The following PKNOX2 variants were observed in gnomAD, a reference collection of about 807,000 sequenced individuals.
The protein encoded by PKNOX2 is homeobox protein PKNOX2.
Under a neutral mutation model 53.1 loss-of-function variants are expected in PKNOX2, and 14 were observed. The ratio of observed to expected loss-of-function variants is 0.26; its 90% confidence interval spans 0.17 to 0.41. PKNOX2 has a LOEUF of 0.41. Ranked by LOEUF, PKNOX2 falls within the 10% of genes least tolerant of loss-of-function variation. The pLI is 1.00. For synonymous variants in PKNOX2, 257 were observed against 242.8 expected, an observed-to-expected ratio of 1.06 and a Z score of -0.54; for missense variants, 496 against 602.8, an observed-to-expected ratio of 0.82 and a Z score of 1.85.
chr11:125,233,970 G>A (rs1391435113), intron 1 of PKNOX2, among the ~76,000 whole-genome samples: 1 of 152,146 alleles, frequency 6.6e-6, no homozygotes, highest in Non-Finnish European at 1.5e-5. Context: ...TTGCTGAGCT[G>A]GCGCTACTCT....
At chr11:125,339,065 A>G (rs1203155474) in intron 3 of PKNOX2, among the ~76,000 whole-genome samples, 2 of 152,244 alleles carry the variant, frequency 1.3e-5, no homozygotes, top group Non-Finnish European at 2.9e-5. Context: ...GGGCCAGCAC[A>G]TGACTAAAGT....
chr11:125,173,255 A>G (rs1955454145), intron 1 of PKNOX2, among the ~76,000 whole-genome samples: 1 of 152,220 alleles, frequency 6.6e-6, no homozygotes, highest in Admixed American at 6.5e-5. Flanking sequence ...TCATTCTCAC[A>G]TGCCCTTGTG....
At chr11:125,379,309 G>C (rs1002651980) in intron 5 of PKNOX2, among the ~76,000 whole-genome samples, 5 of 152,032 alleles carry the variant, frequency 3.3e-5, no homozygotes, top group African/African-American at 1.2e-4. Context: ...TAATCCACCC[G>C]CCTCAGCCTC....
rs145552702 is a variant in PKNOX2, at chr11:125,371,028, C to T, written c.227+3043C>T. On this transcript the variant is annotated intron_variant, in intron 5 of 12. Coordinates refer to ENST00000298282, the MANE Select transcript of PKNOX2 (RefSeq NM_001382323.2). ...CAAAGGGGAGGGAGCCTGCCAGTGC[C>T]CGGGAGGTTTTATTTGTGTATGAGG... is the stretch of plus-strand genomic sequence containing the variant. 1.7e-3 allele frequency among the ~76,000 whole-genome samples: 264 copies of T among 152,210 alleles called. 4 individuals carry two copies. The South Asian group carries it at 0.03, about 17-fold the overall frequency.
chr11:125,312,628 A>AC (rs1948886589), intron 2 of PKNOX2, among the ~76,000 whole-genome samples: 1 of 152,076 alleles, frequency 6.6e-6, no homozygotes, highest in Non-Finnish European at 1.5e-5. Flanking sequence ...CCTGCCTGCC[A>AC]CCCCCCGAGT....
At chr11:125,252,512 A>T (rs1009120150) in intron 2 of PKNOX2, among the ~76,000 whole-genome samples, 5 of 152,168 alleles carry the variant, frequency 3.3e-5, no homozygotes, top group Non-Finnish European at 7.4e-5. Flanking sequence ...GAGGCAGTGG[A>T]GAGAGAGACC....
rs1216181622 is a variant in PKNOX2, at chr11:125,432,231, C to T, written c.*839C>T. The T allele has an allele frequency of 6.7e-6, 1 of 148,880 alleles. No individual in the cohort carries two copies. The highest frequency in any genetic ancestry group is 1.5e-5 in the Non-Finnish European group (1 of 66,876). The allele number at this position is 148,880 out of a possible 1,614,324, so 9.2% of individuals were successfully genotyped here. Reference sequence around the variant, plus strand: ...CCTAGGTGATCACAGAACTTAGCTCCTTTAACAACAGGACAATGGTTTTTT... The same window carrying T: ...CCTAGGTGATCACAGAACTTAGCTCTTTTAACAACAGGACAATGGTTTTTT... On this transcript the variant is annotated 3_prime_UTR_variant, in exon 13 of 13. Coordinates refer to ENST00000298282, the MANE Select transcript of PKNOX2 (RefSeq NM_001382323.2).
intron 1 of PKNOX2, among the ~76,000 whole-genome samples, chr11:125,204,878 G>A (rs901246349): frequency 3.9e-5 from 6 of 152,124 alleles, no homozygotes; most frequent in African/African-American, 1.4e-4. Flanking sequence ...GAGACTGTCT[G>A]GTGTGATTGG....
chr11:125,204,422 G>A (rs1411718872), intron 1 of PKNOX2, among the ~76,000 whole-genome samples: 1 of 152,168 alleles, frequency 6.6e-6, no homozygotes, highest in Non-Finnish European at 1.5e-5. Context: ...GCTGGTCCCT[G>A]GCCACACTGT....
At chr11:125,211,703 G>A (rs1939871664) in intron 1 of PKNOX2, among the ~76,000 whole-genome samples, 1 of 152,080 alleles carries the variant, frequency 6.6e-6, no homozygotes, top group African/African-American at 2.4e-5. Flanking sequence ...CGGCTGCTCG[G>A]GAGAGAGCTG....
chr11:125,191,279 C>T (rs1387361474), intron 1 of PKNOX2: 1 of 152,200 alleles, frequency 6.6e-6, no homozygotes, highest in Non-Finnish European at 1.5e-5. Context: ...CATTCTAAGT[C>T]CAGGACACTC....
intron 5 of PKNOX2, among the ~76,000 whole-genome samples, chr11:125,378,763 A>G (rs1953000989): frequency 6.6e-6 from 1 of 152,132 alleles, no homozygotes; most frequent in South Asian, 2.1e-4. Flanking sequence ...TATCACCCAG[A>G]AAGAGAACTC....
In PKNOX2 at chr11:125,227,037, A is replaced by AT. The variant is rs1297066524; in HGVS notation, c.-200-8001dup. On this transcript the variant is annotated intron_variant, in intron 1 of 12. Transcript: ENST00000298282. ...TACTCCTAAAGATCTCAGGCTCTTT[A>AT]TTTTTTTATTATTCTTGATAGAAAT... 3.9e-5 allele frequency among the ~76,000 whole-genome samples: 6 copies of AT among 152,038 alleles called. No individual in the cohort carries two copies. In the East Asian group the frequency reaches 1.2e-3, roughly 29 times the overall value.
chr11:125,173,204 G>A (rs773949210), intron 1 of PKNOX2, among the ~76,000 whole-genome samples: 1 of 152,214 alleles, frequency 6.6e-6, no homozygotes, highest in Non-Finnish European at 1.5e-5. Flanking sequence ...CACATGGCAA[G>A]CTCATGTTGA....
At chr11:125,286,361 C>A (rs1591512923) in intron 2 of PKNOX2, among the ~76,000 whole-genome samples, 1 of 152,146 alleles carries the variant, frequency 6.6e-6, no homozygotes, top group African/African-American at 2.4e-5. Flanking sequence ...CTGAAAAATC[C>A]CATAGTAAAT....
chr11:125,174,990 C>T (rs1955599529), intron 1 of PKNOX2, among the ~76,000 whole-genome samples: 1 of 152,264 alleles, frequency 6.6e-6, no homozygotes, highest in South Asian at 2.1e-4. Context: ...TTCCTCCAGC[C>T]TTCCCTGAAG....
At chr11:125,336,910 AATAC>A (rs1357781096) in intron 3 of PKNOX2, among the ~76,000 whole-genome samples, 1 of 148,338 alleles carries the variant, frequency 6.7e-6, no homozygotes, top group Non-Finnish European at 1.5e-5. Flanking sequence ...TATGTACTAT[AATAC>A]ATATGTATGC....
At chr11:125,237,437 A>G (rs978925247) in intron 2 of PKNOX2, among the ~76,000 whole-genome samples, 1 of 152,198 alleles carries the variant, frequency 6.6e-6, no homozygotes, top group Admixed American at 6.5e-5. Context: ...AGGATGAAGA[A>G]TAGGAATGTA....
intron 2 of PKNOX2, chr11:125,266,609 C>G (rs1277923361): frequency 6.6e-6 from 1 of 152,182 alleles, no homozygotes; most frequent in African/African-American, 2.4e-5. Flanking sequence ...AGAGCTCCTC[C>G]CAGTAAGAAG....
Sources: gnomAD v4.1 joint callset for allele counts (sites outside exome capture counted in the v4.1 genomes callset) on GRCh38, gnomAD v4.1.1 for gene constraint, MANE v1.5 for transcripts, NCBI Gene and HGNC (gene_info 2026-07-23, HGNC 2026-07-21) for gene names.